The following CELF2 variants were observed in gnomAD, a reference collection of about 807,000 sequenced individuals.
CELF2 encodes CUGBP Elav-like family member 2.
A neutral mutation model predicts 62.6 loss-of-function variants in CELF2; 8 were observed. The observed-to-expected ratio is 0.13, with a 90% CI of 0.07 to 0.23. CELF2 has a LOEUF of 0.23. CELF2 is among the 10% of genes least tolerant of loss of function. CELF2 has a pLI of 1.00. For synonymous variants in CELF2, 258 were observed against 250.0 expected (o/e 1.03, Z -0.30); for missense variants, 333 against 671.0 (o/e 0.50, Z 5.56).
intron 1 of CELF2, among the ~76,000 whole-genome samples, chr10:10,886,549 G>A (rs150986775): frequency 1.7e-3 from 257 of 152,276 alleles, no homozygotes; most frequent in African/African-American, 6.1e-3. Context: ...ATTAAAAAAG[G>A]AAATGAAGCT....
intron 2 of CELF2, among the ~76,000 whole-genome samples, chr10:10,956,353 C>G (rs145934494): frequency 6.6e-6 from 1 of 152,134 alleles, no homozygotes; most frequent in Non-Finnish European, 1.5e-5. Flanking sequence ...TTTCCTGTCA[C>G]GAGGGGGAAG....
At chr10:10,644,114 G>A in the CELF2 span, among the ~76,000 whole-genome samples, 2 of 152,258 alleles carry the variant, frequency 1.3e-5, no homozygotes, top group African/African-American at 4.8e-5. Flanking sequence ...GAAAACATGA[G>A]GCTGCAACTG....
chr10:11,109,388 C>T (rs186162330), intron 1 of CELF2, among the ~76,000 whole-genome samples: 1 of 152,316 alleles, frequency 6.6e-6, no homozygotes, highest in Admixed American at 6.5e-5. Context: ...TCCAAGAAAG[C>T]AGTGATGCAA....
rs2049069759 is a variant in CELF2 at position 10,957,876 on chromosome 10, A to C, written c.89+37877A>C. On this transcript the variant is annotated intron_variant, in intron 2 of 13. Transcript: ENST00000636488. The surrounding 1 kb of genome is among the most constrained non-coding windows in gnomAD (Gnocchi z 4.1). ...CCATCCCATGGTGAGATGATATGAA[A>C]CTAAGCACTTGAATCACTTCAGATT... Among the ~76,000 whole-genome samples the C allele has an allele frequency of 2.0e-5, 3 of 152,278 alleles. No homozygotes were observed. In the South Asian group the frequency reaches 6.2e-4, roughly 32 times the overall value.
Position 10,934,111 on chromosome 10 carries a change from G to A in CELF2, c.89+14112G>A, listed in dbSNP as rs2066381905. Among the ~76,000 whole-genome samples the A allele has an allele frequency of 6.6e-6, 1 of 152,072 alleles. No homozygotes were observed. The highest frequency in any genetic ancestry group is 6.6e-5 in the Admixed American group (1 of 15,258). Reference sequence around the variant, plus strand: ...AATCAGTGCCAGCGTTTCTTATTTTGCGTCTTTTTTGTAATAGCCATTTTA... The same window carrying A: ...AATCAGTGCCAGCGTTTCTTATTTTACGTCTTTTTTGTAATAGCCATTTTA... On this transcript the variant is annotated intron_variant, in intron 2 of 13. Transcript: ENST00000636488. This position sits in a 1 kb window ranked among gnomAD's most constrained non-coding sequence, Gnocchi z 4.4.
chr10:11,335,080 G>A lies in CELF2; in HGVS notation c.*6027G>A, dbSNP rs545482621. On this transcript the variant is annotated 3_prime_UTR_variant, in exon 13 of 13. Coordinates refer to ENST00000633077, the MANE Select transcript of CELF2 (RefSeq NM_001326342.2). The surrounding 1 kb of genome is among the most constrained non-coding windows in gnomAD (Gnocchi z 5.0). ...AGGTAAAGTTTCTCACACTCAAGTC[G>A]TCTTCATAGTTTACTGTCCTTTTCC... The A allele has an allele frequency of 3.3e-5, 5 of 152,294 alleles. No individual in the cohort carries two copies. The highest frequency in any genetic ancestry group is 6.5e-5 in the Admixed American group (1 of 15,290). 9.4% of individuals were successfully genotyped at this position (152,294 alleles called of 1,614,324 possible). A position where few individuals can be genotyped will look rare whatever the true frequency, so the allele number is the denominator to read the frequency against.
intron 1 of CELF2, among the ~76,000 whole-genome samples, chr10:10,895,513 T>C (rs922184338): frequency 6.6e-6 from 1 of 152,138 alleles, no homozygotes; most frequent in Non-Finnish European, 1.5e-5. Context: ...GACCAGTAGT[T>C]GATCTGAAAA....
intron 1 of CELF2, among the ~76,000 whole-genome samples, chr10:11,006,837 G>T (rs145039092): frequency 8.0e-4 from 122 of 152,254 alleles, no homozygotes; most frequent in South Asian, 3.5e-3. Flanking sequence ...TTTCTATGCA[G>T]GGCAAACATT....
the CELF2 span, among the ~76,000 whole-genome samples, chr10:10,638,652 G>A: frequency 2.6e-5 from 4 of 152,192 alleles, no homozygotes; most frequent in Non-Finnish European, 5.9e-5. Flanking sequence ...GCTTACTAAA[G>A]GACAGGCTAT....
At chr10:10,715,495 G>A in the CELF2 span, among the ~76,000 whole-genome samples, 2 of 152,028 alleles carry the variant, frequency 1.3e-5, no homozygotes, top group Admixed American at 6.5e-5. Flanking sequence ...CATATTTACT[G>A]TTTACTACCT....
At chr10:10,550,147 G>A in the CELF2 span, among the ~76,000 whole-genome samples, 2 of 152,170 alleles carry the variant, frequency 1.3e-5, no homozygotes, top group East Asian at 1.9e-4. Context: ...CATATTTTAT[G>A]TTTTATGTAT....
chr10:10,716,980 A>G, the CELF2 span, among the ~76,000 whole-genome samples: 1 of 152,224 alleles, frequency 6.6e-6, no homozygotes, highest in African/African-American at 2.4e-5. Context: ...ACAGTTAAGG[A>G]TAAAGCATGC....
At chr10:11,023,275 C>T (rs1468576709) in intron 1 of CELF2, among the ~76,000 whole-genome samples, 1 of 152,128 alleles carries the variant, frequency 6.6e-6, no homozygotes, top group African/African-American at 2.4e-5. Context: ...AAGGAGGTGC[C>T]GAGTAATATA....
chr10:10,483,841 G>C, the CELF2 span, among the ~76,000 whole-genome samples: 4 of 151,694 alleles, frequency 2.6e-5, no homozygotes, highest in Non-Finnish European at 5.9e-5. Flanking sequence ...CTTGCAGAAA[G>C]CCTGCTTGCC....
intron 1 of CELF2, among the ~76,000 whole-genome samples, chr10:10,917,607 C>T (rs1438638528): frequency 6.6e-6 from 1 of 152,156 alleles, no homozygotes; most frequent in Non-Finnish European, 1.5e-5. Flanking sequence ...TCCCAAAGTG[C>T]TAGGATCACA....
At chr10:10,852,198 A>C (rs1171228815) in intron 1 of CELF2, among the ~76,000 whole-genome samples, 1 of 152,246 alleles carries the variant, frequency 6.6e-6, no homozygotes, top group Non-Finnish European at 1.5e-5. Flanking sequence ...AGCAACCCAG[A>C]TGTCCTTCAG....
At chr10:10,944,129 C>A (rs2047379025) in intron 2 of CELF2, 1 of 152,588 alleles carries the variant, frequency 6.6e-6, no homozygotes, top group South Asian at 2.1e-4. Context: ...GGTAACTGAT[C>A]TGCAGTGTCC....
At chr10:11,134,989 C>T (rs79223718) in intron 1 of CELF2, among the ~76,000 whole-genome samples, 1,627 of 152,332 alleles carry the variant, frequency 0.011, 23 homozygotes, top group African/African-American at 0.037. Flanking sequence ...CTTAGATCTT[C>T]GCATGGCCCT....
rs781664109 is a variant in CELF2 at position 11,311,861 on chromosome 10, T to C, written c.977-2278T>C. Among the ~76,000 whole-genome samples the C allele has an allele frequency of 3.3e-5, 5 of 151,426 alleles. No homozygotes were observed. Among genetic ancestry groups the C allele is most frequent in the Non-Finnish European group, 5.9e-5 (4 of 67,910 alleles). On this transcript the variant is annotated intron_variant, in intron 9 of 12. Transcript: ENST00000633077. This position sits in a 1 kb window ranked among gnomAD's most constrained non-coding sequence, Gnocchi z 4.7. ...TTCCTAGTGGAAAGGAGAAAGAGAA[T>C]GGGGGAAAGTCAATATAAGAGCAGC...
Sources: gnomAD v4.1 joint callset for allele counts (sites outside exome capture counted in the v4.1 genomes callset) on GRCh38, gnomAD v4.1.1 for gene constraint, Gnocchi (gnomAD v3.1) non-coding constraint, MANE v1.5 for transcripts, NCBI Gene and HGNC (gene_info 2026-07-23, HGNC 2026-07-21) for gene names.